The following DOCK11 variants were observed in gnomAD, a reference collection of about 807,000 sequenced individuals.
DOCK11 encodes the protein dedicator of cytokinesis protein 11.
A neutral mutation model predicts 169.1 loss-of-function variants in DOCK11; 70 were observed. The ratio of observed to expected loss-of-function variants is 0.41; its 90% confidence interval spans 0.34 to 0.51. The LOEUF (loss-of-function observed/expected upper bound fraction) is 0.51. Ranked by LOEUF, DOCK11 falls within the 20% of genes least tolerant of loss-of-function variation. DOCK11 has a pLI of 0.10. For missense variants in DOCK11, 1,166 were observed against 1,538.8 expected (o/e 0.76, Z 4.05); for synonymous variants, 529 against 541.3 (o/e 0.98, Z 0.32).
chrX:118,560,845 G>C (rs1040947256), intron 6 of DOCK11, among the ~76,000 whole-genome samples: 18 of 111,571 alleles, frequency 1.6e-4, no homozygotes, highest in African/African-American at 5.5e-4. Flanking sequence ...TGGGGCACTC[G>C]ACAACAACTG....
At chrX:118,625,654 A>G (rs942274371) in intron 32 of DOCK11, among the ~76,000 whole-genome samples, 1 of 112,108 alleles carries the variant, frequency 8.9e-6, no homozygotes, top group African/African-American at 3.2e-5. Context: ...ACTTAAACTG[A>G]ACAAAAGATT....
At chrX:118,503,207 G>A (rs1301622137) in intron 1 of DOCK11, among the ~76,000 whole-genome samples, 1 of 108,721 alleles carries the variant, frequency 9.2e-6, no homozygotes, top group Non-Finnish European at 1.9e-5. Context: ...TTACAGATGC[G>A]TGCCACCACG....
chrX:118,500,214 A>C (rs1018033550), intron 1 of DOCK11, among the ~76,000 whole-genome samples: 11 of 109,622 alleles, frequency 1.0e-4, no homozygotes, highest in African/African-American at 3.7e-4. Flanking sequence ...ACGCCCGGCT[A>C]ATTTTTTGTA....
rs1411231720 is a variant in DOCK11, at chrX:118,647,499, A to T, written c.4399-1446A>T. Among the ~76,000 whole-genome samples, 32 of 71,219 alleles carry T rather than the reference A, an allele frequency of 4.5e-4. 1 individual carries two copies. The highest frequency in any genetic ancestry group is 1.8e-3 in the African/African-American group (31 of 16,769). The allele number at this position is 71,219 out of a possible 115,157, so 61.8% of individuals were successfully genotyped here. On this transcript the variant is annotated intron_variant, in intron 40 of 52. Transcript: ENST00000276202. ...TTTATATATATTATATTATTATATAATATATTATATAATAATATAATATAT... is the reference window on the plus strand; with the variant it reads ...TTTATATATATTATATTATTATATATTATATTATATAATAATATAATATAT...
Position 118,590,264 on chromosome X carries a change from G to A in DOCK11, c.2101G>A (p.Val701Ile), listed in dbSNP as rs748237815. 1 of 1,210,676 alleles carries A rather than the reference G, an allele frequency of 8.3e-7. No homozygotes were observed. Among genetic ancestry groups the A allele is most frequent in the Non-Finnish European group, 1.1e-6 (1 of 894,720 alleles). The change falls in exon 19 of 53, where the codon GTC (valine) becomes ATC (isoleucine). Residue 701 changes from valine to isoleucine, a missense_variant. Physicochemically the swap from Val to Ile is conservative, Grantham distance 29 (BLOSUM62 3). Transcript: ENST00000276202. ...SVFTTNAYAV[V>I]SHHNQNPEFY... ...TTTTACCACAAATGCTTATGCTGTT[G>A]TCTCGCATCACAACCAAAATCCAGA... is the stretch of plus-strand genomic sequence containing the variant.
chrX:118,648,003 A>C (rs2015806735), intron 40 of DOCK11, among the ~76,000 whole-genome samples: 1 of 49,488 alleles, frequency 2.0e-5, no homozygotes, highest in South Asian at 8.9e-4. Flanking sequence ...ATAATATATT[A>C]TTATAATATA....
At chrX:118,685,584 T>C (rs1603195613) in intron 52 of DOCK11, 104 bp from the exon 53 acceptor site, 3 of 984,173 alleles carry the variant, frequency 3.0e-6, no homozygotes, top group East Asian at 6.4e-5. Flanking sequence ...TTTAAATAAC[T>C]GTCAGTGATA....
chrX:118,632,990 T>TGGGG (rs1200736670), intron 35 of DOCK11: 1 of 29,794 alleles, frequency 3.4e-5, no homozygotes, highest in Non-Finnish European at 5.8e-5. Flanking sequence ...GTGAGGGGGG[T>TGGGG]GGGGGGGATG....
chrX:118,557,641 G>A lies in DOCK11; in HGVS notation c.559-3742G>A, dbSNP rs902956241. On this transcript the variant is annotated intron_variant, in intron 6 of 52. Transcript: ENST00000276202. ...TAGCCGGGCATGGTGGCGGGCGCCC[G>A]TAGTCCCAGCTACTCAGGAGGCTGA... Among the ~76,000 whole-genome samples the A allele has an allele frequency of 6.6e-5, 7 of 106,342 alleles. No individual in the cohort carries two copies. The Admixed American group carries it at 7.1e-4, about 11-fold the overall frequency. 92.3% of individuals were successfully genotyped at this position (106,342 alleles called of 115,157 possible). A position where few individuals can be genotyped will look rare whatever the true frequency, so the allele number is the denominator to read the frequency against.
At chrX:118,646,643 A>G (rs1346950999) in intron 40 of DOCK11, among the ~76,000 whole-genome samples, 2 of 111,776 alleles carry the variant, frequency 1.8e-5, no homozygotes, top group African/African-American at 6.5e-5. Context: ...GACTTAGTGT[A>G]GTGATGAGCT....
At chrX:118,598,638 T>A (rs779417536) in intron 22 of DOCK11, among the ~76,000 whole-genome samples, 2 of 111,355 alleles carry the variant, frequency 1.8e-5, no homozygotes, top group African/African-American at 3.3e-5. Context: ...TGGTTCCTGA[T>A]GTAGTCCATG....
rs755057096 is a variant in DOCK11 at position 118,561,747 on chromosome X, C to A, written c.693+230C>A. On this transcript the variant is annotated intron_variant, in intron 7 of 52. Coordinates refer to ENST00000276202, the MANE Select transcript of DOCK11 (RefSeq NM_144658.4). ...AGGCATGGTGGCACATTCCTGTGGT[C>A]CCAGCTACTCTGGAGGCTGAAGTGG... Among the ~76,000 whole-genome samples, 5 of 110,851 alleles carry A rather than the reference C, an allele frequency of 4.5e-5. No individual in the cohort carries two copies. In the East Asian group the frequency reaches 1.1e-3, roughly 25 times the overall value.
chrX:118,523,378 A>C (rs1313390645), intron 1 of DOCK11, among the ~76,000 whole-genome samples: 2 of 112,394 alleles, frequency 1.8e-5, no homozygotes, highest in Non-Finnish European at 1.9e-5. Context: ...TTCTTGGTTA[A>C]ATGAATGCAT....
intron 1 of DOCK11, among the ~76,000 whole-genome samples, chrX:118,531,995 T>C (rs2011603291): frequency 9.0e-6 from 1 of 111,488 alleles, no homozygotes; most frequent in Non-Finnish European, 1.9e-5. Context: ...TCTTAAGACT[T>C]CTTTTAAATG....
Position 118,685,984 on chromosome X carries a change from G to A in DOCK11, c.*177G>A. 1 of 529,250 alleles carries A rather than the reference G, an allele frequency of 1.9e-6. No individual in the cohort carries two copies. Among genetic ancestry groups the A allele is most frequent in the Non-Finnish European group, 2.8e-6 (1 of 351,415 alleles). The allele number at this position is 529,250 out of a possible 1,213,427, so 43.6% of individuals were successfully genotyped here. A position where few individuals can be genotyped will look rare whatever the true frequency, so the allele number is the denominator to read the frequency against. On this transcript the variant is annotated 3_prime_UTR_variant, in exon 53 of 53. Transcript: ENST00000276202. ...TAAATAAGCAACTTGAAAGTGCCTG[G>A]AAAATTGCACCACTGTGCTTGGTTT...
Position 118,645,951 on chromosome X carries a change from G to T in DOCK11, c.4398+2357G>T, listed in dbSNP as rs757920038. 3.8e-5 allele frequency among the ~76,000 whole-genome samples: 4 copies of T among 105,471 alleles called. No individual in the cohort carries two copies. In the South Asian group the frequency reaches 1.7e-3, roughly 45 times the overall value. 91.6% of individuals were successfully genotyped at this position (105,471 alleles called of 115,157 possible). On this transcript the variant is annotated intron_variant, in intron 40 of 52. Coordinates refer to ENST00000276202, the MANE Select transcript of DOCK11 (RefSeq NM_144658.4). ...GGTGCCTGTAGTCCCAGCTACACGG[G>T]AGGCTGAGGCAGGAGAATCACTTGA... is the stretch of plus-strand genomic sequence containing the variant.
intron 6 of DOCK11, among the ~76,000 whole-genome samples, chrX:118,555,911 G>T (rs2012670943): frequency 9.0e-6 from 1 of 111,237 alleles, no homozygotes; most frequent in Non-Finnish European, 1.9e-5. Context: ...CTAAACCTTT[G>T]ATGTATCCTT....
chrX:118,647,439 T>A (rs1366260870), intron 40 of DOCK11, among the ~76,000 whole-genome samples: 1 of 88,979 alleles, frequency 1.1e-5, no homozygotes, highest in African/African-American at 4.1e-5. Flanking sequence ...TAATTGCTAC[T>A]ATATCACTAT....
intron 45 of DOCK11, among the ~76,000 whole-genome samples, chrX:118,664,474 G>T (rs866836364): frequency 9.1e-6 from 1 of 109,931 alleles, no homozygotes. Flanking sequence ...TGGCCAACAT[G>T]GCTCTACTAA....
Sources: gnomAD v4.1 joint callset for allele counts (sites outside exome capture counted in the v4.1 genomes callset) on GRCh38, gnomAD v4.1.1 for gene constraint, MANE v1.5 for transcripts, NCBI Gene and HGNC (gene_info 2026-07-23, HGNC 2026-07-21) for gene names.